RBFOX1: variants seen among roughly 807,000 people sequenced by gnomAD.
RBFOX1 encodes RNA binding protein fox-1 homolog 1.
RBFOX1 carries 8 observed loss-of-function variants against 57.7 expected under a neutral mutation model. That is an observed-to-expected ratio of 0.14 (90% CI 0.08 to 0.25). RBFOX1 has a LOEUF of 0.25. Among genes scored for constraint, RBFOX1 ranks in the 10% least tolerant of loss-of-function variants. The pLI is 1.00. For synonymous variants in RBFOX1, 326 were observed against 222.4 expected (o/e 1.47, Z -4.15); for missense variants, 611 against 548.5 (o/e 1.11, Z -1.14).
At chr16:6,916,491 T>G (rs149167496) in intron 3 of RBFOX1, among the ~76,000 whole-genome samples, 1 of 152,212 alleles carries the variant, frequency 6.6e-6, no homozygotes, top group East Asian at 1.9e-4. Flanking sequence ...TTAGTTGTTT[T>G]TTTTTTTTTA....
intron 2 of RBFOX1, among the ~76,000 whole-genome samples, chr16:6,339,141 C>T (rs1424427984): frequency 1.3e-5 from 2 of 152,184 alleles, no homozygotes; most frequent in Non-Finnish European, 2.9e-5. Context: ...TTATGGAATA[C>T]TTACTGTATG....
At chr16:5,603,141 T>A (rs1355851916), downstream of RBFOX1, among the ~76,000 whole-genome samples, 1 of 152,222 alleles carries the variant, frequency 6.6e-6, no homozygotes, top group Non-Finnish European at 1.5e-5. Context: ...CTGTCTGCTT[T>A]GGCACTGTCT....
chr16:5,301,128 G>A (rs1384176694), intron 1 of RBFOX1, among the ~76,000 whole-genome samples: 2 of 152,100 alleles, frequency 1.3e-5, no homozygotes, highest in African/African-American at 4.8e-5. Flanking sequence ...TGTTACCTTC[G>A]AGACCAGTTT....
At chr16:6,605,680 C>G (rs75766840) in intron 2 of RBFOX1, among the ~76,000 whole-genome samples, 1 of 152,164 alleles carries the variant, frequency 6.6e-6, no homozygotes, top group African/African-American at 2.4e-5. Flanking sequence ...ACTGGCTCCC[C>G]GCCAGGCTCT....
In RBFOX1 at chr16:7,258,750, A is replaced by T. The variant is rs143430756; in HGVS notation, c.27+206652A>T. On this transcript the variant is annotated intron_variant, in intron 4 of 15. Coordinates refer to ENST00000550418, the MANE Select transcript of RBFOX1 (RefSeq NM_018723.4). ...ATTTGTCTCCCCATTACTAACCTCA[A>T]CTTTATTAGTTGCTGCAACTACTGC... Among the ~76,000 whole-genome samples, 314 of 152,230 alleles carry T rather than the reference A, an allele frequency of 2.1e-3. 1 individual carries two copies. The highest frequency in any genetic ancestry group is 0.011 in the South Asian group (51 of 4,824).
chr16:7,221,531 T>G (rs1195617357), intron 4 of RBFOX1, among the ~76,000 whole-genome samples: 1 of 152,046 alleles, frequency 6.6e-6, no homozygotes, highest in Non-Finnish European at 1.5e-5. Flanking sequence ...CACACCTAGC[T>G]AATTTTTGTA....
chr16:6,943,122 C>A (rs574096928), intron 3 of RBFOX1, among the ~76,000 whole-genome samples: 1 of 152,182 alleles, frequency 6.6e-6, no homozygotes. Context: ...GGTATTCATT[C>A]CTTAGCTGCT....
chr16:5,469,227 C>G (rs928487541), intron 2 of RBFOX1, among the ~76,000 whole-genome samples: 1 of 152,190 alleles, frequency 6.6e-6, no homozygotes, highest in Non-Finnish European at 1.5e-5. Context: ...TCTCAGAGTC[C>G]TCTTTCTTTG....
intron 1 of RBFOX1, among the ~76,000 whole-genome samples, chr16:5,352,622 G>A (rs2065287381): frequency 6.6e-6 from 1 of 152,056 alleles, no homozygotes; most frequent in South Asian, 2.1e-4. Flanking sequence ...AAAATGTAAT[G>A]AGCACACTCA....
chr16:7,260,742 C>G (rs569490324), intron 4 of RBFOX1, among the ~76,000 whole-genome samples: 1 of 152,226 alleles, frequency 6.6e-6, no homozygotes, highest in African/African-American at 2.4e-5. Context: ...TTTTTACGAA[C>G]TTCAGGATAG....
At chr16:7,250,471 C>T (rs897647954) in intron 4 of RBFOX1, among the ~76,000 whole-genome samples, 2 of 151,692 alleles carry the variant, frequency 1.3e-5, no homozygotes, top group Admixed American at 1.3e-4. Context: ...TGCTTCATCG[C>T]CTCAGCTGCA....
chr16:5,908,064 GTGTA>G (rs1243280193), intron 4 of RBFOX1, among the ~76,000 whole-genome samples: 19 of 102,942 alleles, frequency 1.8e-4, no homozygotes, highest in African/African-American at 7.5e-4. Context: ...GTATGTATGT[GTGTA>G]TGTATATATA....
chr16:6,023,997 C>G (rs1299626722), intron 1 of RBFOX1, among the ~76,000 whole-genome samples: 1 of 152,144 alleles, frequency 6.6e-6, no homozygotes, highest in Non-Finnish European at 1.5e-5. Flanking sequence ...TAGACTCGGT[C>G]GTAGGGCTAG....
chr16:5,316,325 A>G (rs2064236977), intron 1 of RBFOX1, among the ~76,000 whole-genome samples: 1 of 152,158 alleles, frequency 6.6e-6, no homozygotes, highest in African/African-American at 2.4e-5. Context: ...TGCACCTTCT[A>G]TAATGTGATG....
At chr16:6,752,103 ACTGC>A (rs2075037548) in intron 3 of RBFOX1, among the ~76,000 whole-genome samples, 1 of 152,152 alleles carries the variant, frequency 6.6e-6, no homozygotes, top group Non-Finnish European at 1.5e-5. Flanking sequence ...CCGGTGACCC[ACTGC>A]CTGCATGTAC....
chr16:6,760,570 G>A (rs1428904389), intron 3 of RBFOX1, among the ~76,000 whole-genome samples: 2 of 152,202 alleles, frequency 1.3e-5, no homozygotes, highest in Non-Finnish European at 2.9e-5. Flanking sequence ...CTTCTCGACA[G>A]TTTAGCATTT....
intron 4 of RBFOX1, among the ~76,000 whole-genome samples, chr16:7,297,945 A>G (rs775327046): frequency 1.6e-4 from 24 of 152,176 alleles, no homozygotes; most frequent in South Asian, 6.2e-4. Context: ...ACGCACATGC[A>G]TATGCACATA....
chr16:5,592,301 AT>A (rs1368950250), intron 2 of RBFOX1, among the ~76,000 whole-genome samples: 2 of 148,578 alleles, frequency 1.3e-5, no homozygotes, highest in Non-Finnish European at 3.0e-5. Flanking sequence ...TGTTTATGGT[AT>A]TTTTTTCATG....
chr16:7,006,628 T>C (rs1279112838), intron 3 of RBFOX1, among the ~76,000 whole-genome samples: 2 of 152,088 alleles, frequency 1.3e-5, no homozygotes, highest in Admixed American at 6.6e-5. Context: ...TTTCGGGTTT[T>C]ATAGAGACAA....
Sources: allele counts gnomAD v4.1 joint callset (sites outside exome capture counted in the v4.1 genomes callset), GRCh38; gene constraint gnomAD v4.1.1; transcripts MANE v1.5; gene names NCBI Gene and HGNC (gene_info 2026-07-23, HGNC 2026-07-21).